Variants in NLGN1 observed in about 807,000 individuals in gnomAD.
NLGN1 encodes neuroligin-1.
Under a neutral mutation model 65.5 loss-of-function variants are expected in NLGN1, and 12 were observed. That is an observed-to-expected ratio of 0.18 (90% confidence interval 0.12 to 0.30). The LOEUF (loss-of-function observed/expected upper bound fraction) is 0.30. Ranked by LOEUF, NLGN1 falls within the 10% of genes least tolerant of loss-of-function variation. NLGN1 has a pLI of 1.00. For synonymous variants in NLGN1, 350 were observed against 359.5 expected, an observed-to-expected ratio of 0.97 and a Z score of 0.30; for missense variants, 750 against 1,007.1, an observed-to-expected ratio of 0.74 and a Z score of 3.46.
intron 3 of NLGN1, among the ~76,000 whole-genome samples, chr3:173,657,794 CA>C: frequency 6.6e-6 from 1 of 151,732 alleles, no homozygotes; most frequent in South Asian, 2.1e-4. Context: ...GGAAGGAAGC[CA>C]AAATTAATGG....
At position 174,013,871 on chromosome 3, in the gene NLGN1, G is replaced by C. The variant is rs148332010; in HGVS notation, c.646+206039G>C. On this transcript the variant is annotated intron_variant, in intron 4 of 6. Transcript: ENST00000457714. ...TGGGACCATAGGCATGTGCCACCAG[G>C]TCAGGCCAATTTTTAAAATTATTTT... Among the ~76,000 whole-genome samples, 518 of 152,154 alleles carry C rather than the reference G, an allele frequency of 3.4e-3. 4 individuals are homozygous for C. The highest frequency in any genetic ancestry group is 0.012 in the African/African-American group (480 of 41,516).
chr3:173,586,447 AT>A (rs1747453701), intron 2 of NLGN1, among the ~76,000 whole-genome samples: 1 of 152,202 alleles, frequency 6.6e-6, no homozygotes, highest in African/African-American at 2.4e-5. Context: ...CTATTAAAAG[AT>A]TAGTCTAACC....
intron 4 of NLGN1, among the ~76,000 whole-genome samples, chr3:174,056,111 C>A (rs1736015471): frequency 6.6e-6 from 1 of 151,902 alleles, no homozygotes; most frequent in African/African-American, 2.4e-5. Flanking sequence ...AGATGTATAA[C>A]CTAAAGCTTA....
At chr3:174,001,722 G>A (rs889235947) in intron 4 of NLGN1, among the ~76,000 whole-genome samples, 2 of 152,062 alleles carry the variant, frequency 1.3e-5, no homozygotes, top group Non-Finnish European at 2.9e-5. Flanking sequence ...CTGAGTATCT[G>A]GCATATGGAA....
intron 3 of NLGN1, among the ~76,000 whole-genome samples, chr3:173,652,561 G>A (rs2149650536): frequency 6.6e-6 from 1 of 152,200 alleles, no homozygotes; most frequent in South Asian, 2.1e-4. Context: ...CTATAGATAT[G>A]TAGCTTAACC....
chr3:173,938,883 C>G (rs1203434535), intron 4 of NLGN1, among the ~76,000 whole-genome samples: 1 of 152,082 alleles, frequency 6.6e-6, no homozygotes, highest in African/African-American at 2.4e-5. Flanking sequence ...GGATGGTGAT[C>G]TATAGCCCAC....
intron 4 of NLGN1, among the ~76,000 whole-genome samples, chr3:174,241,610 A>T (rs1159855554): frequency 1.3e-5 from 2 of 151,856 alleles, no homozygotes; most frequent in African/African-American, 4.8e-5. Flanking sequence ...GCACACAGGT[A>T]GTAAATTGAT....
intron 2 of NLGN1, among the ~76,000 whole-genome samples, chr3:173,557,239 T>G (rs1453842270): frequency 6.6e-6 from 1 of 152,204 alleles, no homozygotes; most frequent in Non-Finnish European, 1.5e-5. Flanking sequence ...AAACTCTGTC[T>G]TCAAGCCTGT....
At chr3:173,972,267 G>A (rs918641951) in intron 4 of NLGN1, among the ~76,000 whole-genome samples, 3 of 151,978 alleles carry the variant, frequency 2.0e-5, no homozygotes, top group African/African-American at 4.8e-5. Flanking sequence ...AGAGTTTAGA[G>A]TTTTGATTAT....
intron 2 of NLGN1, among the ~76,000 whole-genome samples, chr3:173,520,682 T>C (rs1343334229): frequency 1.3e-5 from 2 of 152,188 alleles, no homozygotes; most frequent in African/African-American, 4.8e-5. Flanking sequence ...TAGTGACATA[T>C]AATCTGGCTT....
At chr3:173,560,713 A>T (rs937611498) in intron 2 of NLGN1, among the ~76,000 whole-genome samples, 2 of 152,218 alleles carry the variant, frequency 1.3e-5, no homozygotes, top group African/African-American at 4.8e-5. Flanking sequence ...GACAAAAATT[A>T]GAAATAAATA....
At chr3:173,739,307 T>G (rs1774256038) in intron 3 of NLGN1, among the ~76,000 whole-genome samples, 1 of 152,060 alleles carries the variant, frequency 6.6e-6, no homozygotes, top group Non-Finnish European at 1.5e-5. Flanking sequence ...TCCACAATAT[T>G]TTGATTGAGA....
At chr3:173,893,782 T>C (rs1391273394) in intron 4 of NLGN1, among the ~76,000 whole-genome samples, 2 of 152,210 alleles carry the variant, frequency 1.3e-5, no homozygotes, top group African/African-American at 4.8e-5. Context: ...ATAAATACAA[T>C]TTTGTTTTCC....
intron 3 of NLGN1, among the ~76,000 whole-genome samples, chr3:173,721,985 A>G (rs760524205): frequency 6.6e-6 from 1 of 152,058 alleles, no homozygotes; most frequent in African/African-American, 2.4e-5. Context: ...TACGTATTCA[A>G]TTATAAGGGT....
chr3:174,150,340 G>T (rs1057212882), intron 4 of NLGN1, among the ~76,000 whole-genome samples: 1 of 151,944 alleles, frequency 6.6e-6, no homozygotes, highest in South Asian at 2.1e-4. Context: ...TCTAGTGCAG[G>T]GTTTCTCAAC....
chr3:173,453,899 G>T (rs1372149698), intron 2 of NLGN1, among the ~76,000 whole-genome samples: 1 of 152,118 alleles, frequency 6.6e-6, no homozygotes, highest in Non-Finnish European at 1.5e-5. Context: ...TTTCCAGAAG[G>T]TTTTCAATTT....
intron 4 of NLGN1, among the ~76,000 whole-genome samples, chr3:173,916,580 T>G (rs944165786): frequency 6.1e-4 from 93 of 152,308 alleles, no homozygotes; most frequent in African/African-American, 2.0e-3. Flanking sequence ...CCCTTCCAGA[T>G]AGCAATTTCA....
intron 4 of NLGN1, among the ~76,000 whole-genome samples, chr3:173,843,702 C>T (rs923667488): frequency 2.0e-5 from 3 of 152,164 alleles, no homozygotes; most frequent in Non-Finnish European, 2.9e-5. Context: ...ACTTTATTGA[C>T]CATATTACTA....
chr3:173,470,539 C>T (rs1560299713), intron 2 of NLGN1, among the ~76,000 whole-genome samples: 1 of 152,050 alleles, frequency 6.6e-6, no homozygotes, highest in Admixed American at 6.6e-5. Context: ...GGGTCTGTCA[C>T]TTGTTAGCCA....
Sources: allele counts gnomAD v4.1 joint callset (sites outside exome capture counted in the v4.1 genomes callset), GRCh38; gene constraint gnomAD v4.1.1; transcripts MANE v1.5; gene names NCBI Gene and HGNC (gene_info 2026-07-23, HGNC 2026-07-21).